The following KCNAB1 variants were observed in gnomAD, a reference collection of about 807,000 sequenced individuals.
KCNAB1 encodes the protein potassium voltage-gated channel subfamily A regulatory beta subunit 1.
A neutral mutation model predicts 64.6 loss-of-function variants in KCNAB1; 35 were observed. The observed-to-expected ratio is 0.54, with a 90% CI of 0.41 to 0.72. KCNAB1 has a LOEUF of 0.72. KCNAB1 is among the 30% of genes least tolerant of loss of function. The pLI, the probability that KCNAB1 is intolerant of heterozygous loss-of-function variation, is 0.00. For synonymous variants in KCNAB1, 177 were observed against 183.8 expected (o/e 0.96, Z 0.30); for missense variants, 401 against 512.9 (o/e 0.78, Z 2.11).
intron 1 of KCNAB1, among the ~76,000 whole-genome samples, chr3:156,189,302 G>A (rs1713407131): frequency 6.6e-6 from 1 of 152,212 alleles, no homozygotes; most frequent in Non-Finnish European, 1.5e-5. Context: ...CATGATGAGA[G>A]CTGCCTGCCT....
chr3:156,155,587 A>G (rs1332495093), intron 1 of KCNAB1, among the ~76,000 whole-genome samples: 2 of 152,192 alleles, frequency 1.3e-5, no homozygotes, highest in South Asian at 4.1e-4. Flanking sequence ...GGTAAAGAGT[A>G]TTATAGACAG....
At chr3:156,342,402 T>G (rs1237124151) in intron 1 of KCNAB1, among the ~76,000 whole-genome samples, 2 of 152,142 alleles carry the variant, frequency 1.3e-5, no homozygotes, top group Non-Finnish European at 2.9e-5. Flanking sequence ...CAAATCTCAA[T>G]GCCTAGCCAT....
intron 1 of KCNAB1, among the ~76,000 whole-genome samples, chr3:156,148,253 T>C (rs1715173965): frequency 6.6e-6 from 1 of 152,192 alleles, no homozygotes; most frequent in South Asian, 2.1e-4. Context: ...CTTTTCTCTA[T>C]ATAGGATATA....
chr3:156,189,662 G>A (rs1713433273), intron 1 of KCNAB1, among the ~76,000 whole-genome samples: 1 of 152,144 alleles, frequency 6.6e-6, no homozygotes, highest in African/African-American at 2.4e-5. Context: ...TTAAATAAAT[G>A]TGGCCATGAA....
chr3:156,344,149 C>G (rs1724324720), intron 1 of KCNAB1, among the ~76,000 whole-genome samples: 1 of 152,122 alleles, frequency 6.6e-6, no homozygotes, highest in African/African-American at 2.4e-5. Context: ...TCAGGGAGCT[C>G]AATATCCTAT....
At chr3:156,487,896 TA>T (rs113777319) in intron 8 of KCNAB1, among the ~76,000 whole-genome samples, 18,473 of 148,008 alleles carry the variant, frequency 0.12, 2,448 homozygotes, top group African/African-American at 0.34. Context: ...AAAAGGGAGA[TA>T]AAAAAAAAAT....
At chr3:156,216,530 C>T (rs1165268484) in intron 1 of KCNAB1, among the ~76,000 whole-genome samples, 1 of 152,112 alleles carries the variant, frequency 6.6e-6, no homozygotes, top group Admixed American at 6.5e-5. Context: ...TTTATCTGGT[C>T]CTTAGGTTTT....
chr3:156,442,320 T>C (rs1717061994), intron 2 of KCNAB1, among the ~76,000 whole-genome samples: 1 of 152,200 alleles, frequency 6.6e-6, no homozygotes. Flanking sequence ...GTCTGCTTTA[T>C]AACACAAAAC....
At position 156,531,424 on chromosome 3, in the gene KCNAB1, A is replaced by T. The variant is rs1221026917; in HGVS notation, c.1097A>T (p.Asn366Ile). ...PQLAVAWCLR[N>I]EGVSSVLLGS... The stretch of plus-strand genomic sequence containing the variant: ...CTCCTCCCAGCGTGGTGCCTGAGAA[A>T]TGAAGGTGTGAGTTCTGTGCTCCTG... Residue 366 changes from asparagine to isoleucine, a missense_variant, in exon 13 of 14, where the codon AAT becomes ATT. Coordinates refer to ENST00000490337, the MANE Select transcript of KCNAB1 (RefSeq NM_172160.3). 3 of 1,613,868 alleles carry T rather than the reference A, an allele frequency of 1.9e-6. No individual in the cohort carries two copies. In the South Asian group the frequency reaches 3.3e-5, roughly 18 times the overall value.
rs149347397 is a variant in KCNAB1 at position 156,477,532 on chromosome 3, T to C, written c.658+2712T>C. Among the ~76,000 whole-genome samples the C allele has an allele frequency of 3.7e-3, 563 of 152,264 alleles. 1 individual carries two copies. Among genetic ancestry groups the C allele is most frequent in the African/African-American group, 0.013 (545 of 41,538 alleles). ...AATCAACCTCTGAGGCTTATTCTTC[T>C]GGGAGGACCCTGCAGGGACATTCCA... On this transcript the variant is annotated intron_variant, in intron 8 of 13. Coordinates refer to ENST00000490337, the MANE Select transcript of KCNAB1 (RefSeq NM_172160.3).
intron 1 of KCNAB1, among the ~76,000 whole-genome samples, chr3:156,123,945 T>G (rs1713497874): frequency 6.6e-6 from 1 of 152,196 alleles, no homozygotes. Flanking sequence ...TTGACATGCT[T>G]TCCCCAGCAT....
chr3:156,292,840 G>A (rs1720533808), intron 1 of KCNAB1, among the ~76,000 whole-genome samples: 1 of 152,178 alleles, frequency 6.6e-6, no homozygotes, highest in African/African-American at 2.4e-5. Flanking sequence ...ACCGCGCCTG[G>A]CCTTATTTAT....
intron 2 of KCNAB1, among the ~76,000 whole-genome samples, chr3:156,423,011 G>A (rs917524153): frequency 6.6e-6 from 1 of 152,166 alleles, no homozygotes; most frequent in African/African-American, 2.4e-5. Flanking sequence ...ATTGACCATC[G>A]GGTTCAGCAA....
At chr3:156,301,452 T>C (rs1055468696) in intron 1 of KCNAB1, among the ~76,000 whole-genome samples, 4 of 152,156 alleles carry the variant, frequency 2.6e-5, no homozygotes, top group African/African-American at 9.7e-5. Flanking sequence ...AAACTGAAAA[T>C]GTTCAGAAGA....
intron 2 of KCNAB1, among the ~76,000 whole-genome samples, chr3:156,425,953 A>T (rs1715786087): frequency 6.6e-6 from 1 of 152,172 alleles, no homozygotes; most frequent in South Asian, 2.1e-4. Flanking sequence ...TTAAGACAGG[A>T]AGCAATGCAA....
At chr3:156,233,203 T>C (rs1716637957) in intron 1 of KCNAB1, among the ~76,000 whole-genome samples, 1 of 152,158 alleles carries the variant, frequency 6.6e-6, no homozygotes, top group Non-Finnish European at 1.5e-5. Flanking sequence ...AAAATAATAA[T>C]CATTGTCATT....
At chr3:156,294,045 G>T (rs1001253577) in intron 1 of KCNAB1, among the ~76,000 whole-genome samples, 4 of 152,210 alleles carry the variant, frequency 2.6e-5, no homozygotes. Context: ...ATTTCTTGAG[G>T]CAGAGTTTCA....
intron 2 of KCNAB1, among the ~76,000 whole-genome samples, chr3:156,447,929 A>G (rs1711700670): frequency 6.6e-6 from 1 of 152,248 alleles, no homozygotes; most frequent in Non-Finnish European, 1.5e-5. Flanking sequence ...GCAGTCATTT[A>G]AATGGTAAAC....
At chr3:156,485,645 G>C (rs1432649949) in intron 8 of KCNAB1, among the ~76,000 whole-genome samples, 1 of 151,878 alleles carries the variant, frequency 6.6e-6, no homozygotes, top group Admixed American at 6.6e-5. Context: ...TGTTACATGG[G>C]TATATTACAT....
Sources: allele counts gnomAD v4.1 joint callset (sites outside exome capture counted in the v4.1 genomes callset), GRCh38; gene constraint gnomAD v4.1.1; transcripts MANE v1.5; gene names NCBI Gene and HGNC (gene_info 2026-07-23, HGNC 2026-07-21).